NCAPG: variants seen among roughly 807,000 people sequenced by gnomAD.
NCAPG encodes the protein condensin complex subunit 3.
NCAPG carries 69 observed loss-of-function variants against 113.1 expected under a neutral mutation model. The observed-to-expected ratio is 0.61, with a 90% CI of 0.50 to 0.75. NCAPG has a LOEUF of 0.75. Among genes scored for constraint, NCAPG ranks in the 30% least tolerant of loss-of-function variants. The probability of loss-of-function intolerance (pLI) is 0.00; values close to 1 mark genes in which losing one functional copy is unlikely to be tolerated. For synonymous variants in NCAPG, 370 were observed against 415.8 expected, an observed-to-expected ratio of 0.89 and a Z score of 1.34; for missense variants, 1,058 against 1,177.0, an observed-to-expected ratio of 0.90 and a Z score of 1.48.
intron 3 of NCAPG, 28 bp downstream of exon 3, chr4:17,813,173 C>A (rs1327653983): frequency 2.6e-6 from 4 of 1,549,466 alleles, no homozygotes; most frequent in Non-Finnish European, 1.8e-6. Context: ...AATCTTTTTT[C>A]AGATTTGTTG....
intron 11 of NCAPG, 122 bp downstream of exon 11, chr4:17,825,683 A>G: frequency 1.3e-6 from 1 of 778,866 alleles, no homozygotes; most frequent in South Asian, 2.7e-5. Flanking sequence ...TAATAGTGAC[A>G]TGAATTAAAA....
chr4:17,843,195 CAATT>C lies in NCAPG; in HGVS notation c.2925-104_2925-101del. 6 of 1,209,828 alleles carry C rather than the reference CAATT, an allele frequency of 5.0e-6. No homozygotes were observed. The East Asian group carries it at 1.2e-4, about 24-fold the overall frequency. The allele number at this position is 1,209,828 out of a possible 1,614,324, so 74.9% of individuals were successfully genotyped here. ...AGCTAAGTCAATGGAATCAGGCTAT[CAATT>C]AAACACTGATAGAATGTGAGTCAGA... On this transcript the variant is annotated intron_variant, in intron 20 of 20. Coordinates refer to ENST00000251496, the MANE Select transcript of NCAPG (RefSeq NM_022346.5).
At chr4:17,837,570 C>A in intron 15 of NCAPG, 57 bp from the exon 16 acceptor site, 1 of 1,539,252 alleles carries the variant, frequency 6.5e-7, no homozygotes, top group Admixed American at 2.0e-5. Flanking sequence ...GAATTTCATA[C>A]TTTTTCTCTC....
intron 4 of NCAPG, 56 bp from the exon 5 acceptor site, chr4:17,815,218 A>T: frequency 1.4e-6 from 2 of 1,454,040 alleles, no homozygotes; most frequent in Non-Finnish European, 1.9e-6. Context: ...TGATATTCTT[A>T]TGAAATCTAT....
rs1446426457 is a variant in NCAPG, at chr4:17,813,146, G to A, written c.544+1G>A. On this transcript the variant is annotated splice_donor_variant, in intron 3 of 20. Transcript: ENST00000251496. LOFTEE classifies it high-confidence loss of function. ...GATGATGAATGCCCAGTGGTTAATG[G>A]TGTGTGTAGTTTCCTAAATCTTTTT... 5.6e-6 allele frequency: 9 copies of A among 1,601,782 alleles called. No homozygotes were observed. Among genetic ancestry groups the A allele is most frequent in the African/African-American group, 1.3e-5 (1 of 74,114 alleles).
intron 18 of NCAPG, 23 bp from the exon 19 acceptor site, chr4:17,840,584 T>C: frequency 7.9e-7 from 1 of 1,269,360 alleles, no homozygotes; most frequent in South Asian, 1.9e-5. Context: ...TTATTTATAT[T>C]GTTGTATTAT....
intron 13 of NCAPG, among the ~76,000 whole-genome samples, chr4:17,833,745 C>T (rs970906483): frequency 6.6e-6 from 1 of 151,672 alleles, no homozygotes; most frequent in Non-Finnish European, 1.5e-5. Flanking sequence ...TCGTGATTTA[C>T]GTCTTTTCAT....
At chr4:17,825,251 C>G (rs1721615066) in intron 10 of NCAPG, 131 bp from the exon 11 acceptor site, 13 of 884,712 alleles carry the variant, frequency 1.5e-5, no homozygotes, top group Non-Finnish European at 1.7e-5. Flanking sequence ...GTCAGGAAAA[C>G]TACAAGTTTG....
Position 17,823,116 on chromosome 4 carries a change from G to A in NCAPG, c.1252G>A (p.Gly418Arg), listed in dbSNP as rs756090939. 1 of 1,607,292 alleles carries A rather than the reference G, an allele frequency of 6.2e-7. No individual in the cohort carries two copies. Among genetic ancestry groups the A allele is most frequent in the Non-Finnish European group, 8.5e-7 (1 of 1,177,496 alleles). ...TAAGTCTTTGGATACCAGTGAAGAA[G>A]GAGGAAGGTATGTCTAAATGTTAAC... ...IIKSLDTSEE[G>R]GRKKLLAVLQ... The change falls in exon 8 of 21, where the codon GGA (glycine) becomes AGA (arginine). Residue 418 changes from glycine to arginine, a missense_variant. By Grantham distance (125) the Gly-to-Arg change is moderately radical (BLOSUM62 -2). Coordinates refer to ENST00000251496, the MANE Select transcript of NCAPG (RefSeq NM_022346.5).
At position 17,823,739 on chromosome 4, in the gene NCAPG, T is replaced by G; in HGVS notation, c.1352T>G (p.Ile451Ser). 1 of 1,597,614 alleles carries G rather than the reference T, an allele frequency of 6.3e-7. No individual in the cohort carries two copies. Among genetic ancestry groups the G allele is most frequent in the Non-Finnish European group, 8.6e-7 (1 of 1,166,204 alleles). ...TTTCTTGTTGAAAGACTACTCCACA[T>G]CATTATAGATGATAATAAGAGAACA... The part of the protein sequence containing the change: ...VSFLVERLLH[I>S]IIDDNKRTQI... The change falls in exon 9 of 21, where the codon ATC becomes AGC. Residue 451 changes from isoleucine (I) to serine (S), a missense_variant. Ile to Ser is a moderately radical substitution (Grantham distance 142, BLOSUM62 -2). Transcript: ENST00000251496.
Position 17,837,284 on chromosome 4 carries a change from T to C in NCAPG, c.2235T>C (p.Asp745=), listed in dbSNP as rs921051141. 6.2e-7 allele frequency: 1 copy of C among 1,613,910 alleles called. No homozygotes were observed. The highest frequency in any genetic ancestry group is 8.5e-7 in the Non-Finnish European group (1 of 1,179,956). The part of the protein sequence containing the change: ...LLWYNPVTEE[D]VQLRHCLGVF... The stretch of plus-strand genomic sequence containing the variant: ...GGTACAATCCTGTGACTGAAGAGGA[T>C]GTTCAACTTCGACATTGCCTAGGCG... Residue 745 remains aspartate, a synonymous_variant, in exon 15 of 21, where the codon GAT becomes GAC. Coordinates refer to ENST00000251496, the MANE Select transcript of NCAPG (RefSeq NM_022346.5).
At chr4:17,837,516 G>C in intron 15 of NCAPG, 111 bp from the exon 16 acceptor site, 1 of 1,352,702 alleles carries the variant, frequency 7.4e-7, no homozygotes, top group Non-Finnish European at 1.0e-6. Flanking sequence ...CTCTTTCCTA[G>C]ATGAAAATGC....
chr4:17,817,441 A>G lies in NCAPG; in HGVS notation c.956A>G (p.Asn319Ser). The change falls in exon 6 of 21, where the codon AAC becomes AGC. Residue 319 changes from asparagine to serine, a missense_variant. Transcript: ENST00000251496. ...AGTGAACTGGTGGGACTCTGTAAAAACAATGATGGCAGGTACATAAAGGAT... is the reference window on the plus strand; with the variant it reads ...AGTGAACTGGTGGGACTCTGTAAAAGCAATGATGGCAGGTACATAAAGGAT... ...PLSELVGLCK[N>S]NDGRKLIPVE... is the part of the protein sequence containing the mutation. The G allele has an allele frequency of 6.2e-7, 1 of 1,613,540 alleles. No individual in the cohort carries two copies. Among genetic ancestry groups the G allele is most frequent in the Admixed American group, 1.7e-5 (1 of 59,958 alleles).
intron 5 of NCAPG, among the ~76,000 whole-genome samples, chr4:17,816,538 C>G (rs1248633504): frequency 6.6e-6 from 1 of 152,190 alleles, no homozygotes; most frequent in Non-Finnish European, 1.5e-5. Context: ...AAAACATTGT[C>G]AGAGGACTAA....
Position 17,815,002 on chromosome 4 carries a change from A to G in NCAPG, c.690+4A>G, listed in dbSNP as rs373247067. 167 of 1,614,128 alleles carry G rather than the reference A, an allele frequency of 1.0e-4. No individual in the cohort carries two copies. The African/African-American group carries it at 1.9e-3, about 18-fold the overall frequency. ...TGTCAGAAAGCTGGCTTATCAGGTA[A>G]ATAAGTTCAATGTCTTGTGTTGGCA... On this transcript the variant is annotated splice_donor_region_variant and intron_variant, in intron 4 of 20. Coordinates refer to ENST00000251496, the MANE Select transcript of NCAPG (RefSeq NM_022346.5).
chr4:17,811,304 C>A lies in NCAPG; in HGVS notation c.111+116C>A. On this transcript the variant is annotated intron_variant, in intron 1 of 20. Transcript: ENST00000251496. This position sits in a 1 kb window ranked among gnomAD's most constrained non-coding sequence, Gnocchi z 5.3. ...GTGACTCCAGCCTTGTTCACCTTCG[C>A]GACTCACTTCATAGGGATCTGAGGT... 1.7e-6 allele frequency: 1 copy of A among 590,040 alleles called. No individual in the cohort carries two copies. Among genetic ancestry groups the A allele is most frequent in the Non-Finnish European group, 2.8e-6 (1 of 353,074 alleles). The allele number at this position is 590,040 out of a possible 1,614,324, so 36.6% of individuals were successfully genotyped here.
intron 14 of NCAPG, among the ~76,000 whole-genome samples, chr4:17,835,554 C>G (rs988480471): frequency 6.6e-6 from 1 of 152,158 alleles, no homozygotes; most frequent in African/African-American, 2.4e-5. Flanking sequence ...TGAAAGGCAA[C>G]TACCACCTTT....
Position 17,811,121 on chromosome 4 carries a change from G to A in NCAPG, c.44G>A (p.Arg15Gln), listed in dbSNP as rs1317106567. ...CTGCTGTCGATTAAGGAGGCCTTTCGGCTGGCGCAGCAGCCGCACCAGAAC... is the reference window on the plus strand; with the variant it reads ...CTGCTGTCGATTAAGGAGGCCTTTCAGCTGGCGCAGCAGCCGCACCAGAAC... ...RRLLSIKEAFRLAQQPHQNQA... is the reference protein window; with the variant it reads ...RRLLSIKEAFQLAQQPHQNQA... Residue 15 changes from arginine to glutamine, a missense_variant, in exon 1 of 21, where the codon CGG becomes CAG. Arg to Gln is a conservative substitution (Grantham distance 43). Coordinates refer to ENST00000251496, the MANE Select transcript of NCAPG (RefSeq NM_022346.5). This position sits in a 1 kb window ranked among gnomAD's most constrained non-coding sequence, Gnocchi z 5.3. 1 of 1,525,192 alleles carries A rather than the reference G, an allele frequency of 6.6e-7. No homozygotes were observed. The highest frequency in any genetic ancestry group is 2.1e-5 in the Admixed American group (1 of 48,764). The allele number at this position is 1,525,192 out of a possible 1,614,324, so 94.5% of individuals were successfully genotyped here.
chr4:17,813,986 T>C (rs1307713434), intron 3 of NCAPG, among the ~76,000 whole-genome samples: 1 of 152,146 alleles, frequency 6.6e-6, no homozygotes, highest in Non-Finnish European at 1.5e-5. Context: ...AGGTATTTGA[T>C]AGTCAACCTG....
Sources: allele counts gnomAD v4.1 joint callset (sites outside exome capture counted in the v4.1 genomes callset), GRCh38; gene constraint gnomAD v4.1.1; non-coding constraint Gnocchi (gnomAD v3.1); transcripts MANE v1.5; gene names NCBI Gene and HGNC (gene_info 2026-07-23, HGNC 2026-07-21).